GLYATL3: variants seen among roughly 807,000 people sequenced by gnomAD.
GLYATL3 encodes glycine-N-acyltransferase like 3.
Under a neutral mutation model 28.5 loss-of-function variants are expected in GLYATL3, and 31 were observed. That is an observed-to-expected ratio of 1.09 (90% CI 0.82 to 1.47). GLYATL3 has a LOEUF of 1.47. GLYATL3 is among the 40% of genes most tolerant of loss of function. The pLI is 0.00. For synonymous variants in GLYATL3, 141 were observed against 140.2 expected, an observed-to-expected ratio of 1.01 and a Z score of -0.04; for missense variants, 369 against 351.5, an observed-to-expected ratio of 1.05 and a Z score of -0.40.
intron 4 of GLYATL3, 120 bp from the exon 5 acceptor site, chr6:49,521,525 A>AATAGGTGTAGG (rs1355832238): frequency 1.0e-5 from 8 of 770,024 alleles, no homozygotes; most frequent in Non-Finnish European, 1.7e-5. Flanking sequence ...TGGTTAGGAT[A>AATAGGTGTAGG]ATACAAGGTG....
chr6:49,504,637 TGTAATTTTAAG>T (rs1221097093), intron 1 of GLYATL3, among the ~76,000 whole-genome samples: 2 of 152,166 alleles, frequency 1.3e-5, no homozygotes, highest in Non-Finnish European at 2.9e-5. Flanking sequence ...TTTAAGTAAT[TGTAATTTTAAG>T]GTTCTGTTAC....
At chr6:49,517,883 C>T (rs1381229355) in intron 4 of GLYATL3, among the ~76,000 whole-genome samples, 5 of 152,068 alleles carry the variant, frequency 3.3e-5, no homozygotes, top group African/African-American at 4.8e-5. Context: ...AATATTTTTC[C>T]TTATTGGTTT....
rs771571823 is a variant in GLYATL3 at position 49,526,647 on chromosome 6, G to A, written c.600G>A (p.Pro200=). 9 of 1,551,794 alleles carry A rather than the reference G, an allele frequency of 5.8e-6. No homozygotes were observed. The highest frequency in any genetic ancestry group is 1.7e-4 in the Middle Eastern group (1 of 5,994). The change falls in exon 6 of 6, where the codon CCG becomes CCA. Residue 200 remains proline (P), a synonymous_variant. Coordinates refer to ENST00000371197, the MANE Select transcript of GLYATL3 (RefSeq NM_001010904.2). ...GTGTCCGGGATGAGAAGGGAAACCCGGTCTCCTGGTCCATCACAGACCAGT... is the reference window on the plus strand; with the variant it reads ...GTGTCCGGGATGAGAAGGGAAACCCAGTCTCCTGGTCCATCACAGACCAGT... ...SVCVRDEKGN[P]VSWSITDQFA... is the part of the protein sequence containing the mutation.
chr6:49,525,988 A>T (rs1769404102), intron 5 of GLYATL3, among the ~76,000 whole-genome samples: 1 of 152,220 alleles, frequency 6.6e-6, no homozygotes, highest in African/African-American at 2.4e-5. Context: ...CTTAAATTTG[A>T]TGTAATAAGT....
In GLYATL3 at chr6:49,515,756, G is replaced by A; in HGVS notation, c.182G>A (p.Arg61Lys). 6.6e-7 allele frequency: 1 copy of A among 1,526,430 alleles called. No homozygotes were observed. The highest frequency in any genetic ancestry group is 2.5e-5 in the East Asian group (1 of 40,806). 94.6% of individuals were successfully genotyped at this position (1,526,430 alleles called of 1,614,324 possible). ...DFKAVITRRQ[R>K]EAETDNLDHY... The stretch of plus-strand genomic sequence containing the variant: ...AAAGCTGTTATCACCCGACGACAAA[G>A]AGAGGTACAGTTTTGAAAGGTAAAA... The change falls in exon 3 of 6, where the codon AGA becomes AAA. Residue 61 changes from arginine to lysine, a missense_variant. Coordinates refer to ENST00000371197, the MANE Select transcript of GLYATL3 (RefSeq NM_001010904.2).
intron 1 of GLYATL3, among the ~76,000 whole-genome samples, chr6:49,511,751 C>T (rs1358173129): frequency 6.6e-6 from 1 of 152,190 alleles, no homozygotes; most frequent in Non-Finnish European, 1.5e-5. Context: ...AGGATAGATA[C>T]TCACATCTGT....
intron 1 of GLYATL3, among the ~76,000 whole-genome samples, chr6:49,504,502 C>A (rs1477435442): frequency 6.6e-6 from 1 of 151,960 alleles, no homozygotes; most frequent in African/African-American, 2.4e-5. Context: ...GGGACAGTTA[C>A]CAGAGAAATG....
intron 5 of GLYATL3, among the ~76,000 whole-genome samples, chr6:49,524,051 C>T (rs1289965676): frequency 2.0e-5 from 3 of 151,280 alleles, no homozygotes; most frequent in African/African-American, 7.3e-5. Flanking sequence ...AAACAATTTG[C>T]CTTTAACACC....
Position 49,513,752 on chromosome 6 carries a change from G to A in GLYATL3, c.78+1684G>A, listed in dbSNP as rs183844790. 4.9e-3 allele frequency among the ~76,000 whole-genome samples: 751 copies of A among 152,240 alleles called. 8 individuals carry two copies. Among genetic ancestry groups the A allele is most frequent in the African/African-American group, 0.017 (704 of 41,556 alleles). On this transcript the variant is annotated intron_variant, in intron 2 of 5. Transcript: ENST00000371197. ...AGGATATGTGAATGAGGTCCAGATTGGGTAATATAGAAGAAAGTTGTACAA... is the reference window on the plus strand; with the variant it reads ...AGGATATGTGAATGAGGTCCAGATTAGGTAATATAGAAGAAAGTTGTACAA...
At chr6:49,510,851 C>G (rs1410578089) in intron 1 of GLYATL3, among the ~76,000 whole-genome samples, 1 of 152,182 alleles carries the variant, frequency 6.6e-6, no homozygotes, top group Non-Finnish European at 1.5e-5. Context: ...GAACTAGAGC[C>G]CACAGGGCTT....
At chr6:49,512,266 CTTTTTTTTTTTTTCTTTCTTTTT>C (rs1229385103) in intron 2 of GLYATL3, among the ~76,000 whole-genome samples, 198 bp downstream of exon 2, 1 of 129,366 alleles carries the variant, frequency 7.7e-6, no homozygotes, top group Non-Finnish European at 1.7e-5. Flanking sequence ...TTACACTTTT[CTTTTTTTTTTTTTCTTTCTTTTT>C]TTTTTTTTTT....
intron 3 of GLYATL3, 58 bp downstream of exon 3, chr6:49,515,818 G>C: frequency 1.0e-6 from 1 of 954,722 alleles, no homozygotes; most frequent in South Asian, 1.4e-5. Context: ...GAAAAAGTAG[G>C]TAATGGTATT....
At chr6:49,524,968 CA>C (rs911424000) in intron 5 of GLYATL3, among the ~76,000 whole-genome samples, 2,758 of 43,730 alleles carry the variant, frequency 0.063, 26 homozygotes, top group African/African-American at 0.15. Flanking sequence ...GACTCCCTCT[CA>C]AAAAAAAAAA....
chr6:49,524,396 C>A (rs889765307), intron 5 of GLYATL3, among the ~76,000 whole-genome samples: 6 of 152,120 alleles, frequency 3.9e-5, no homozygotes, highest in Admixed American at 2.0e-4. Flanking sequence ...TTATCTCTTA[C>A]CGGTCACTGG....
rs141499791 is a variant in GLYATL3 at position 49,526,591 on chromosome 6, G to T, written c.544G>T (p.Ala182Ser). ...GGNEQCLRYIANLISCFPSVC... is the reference protein window; with the variant it reads ...GGNEQCLRYISNLISCFPSVC... ...CAATGAACAATGTCTCCGGTACATC[G>T]CCAACCTCATCTCCTGCTTCCCTAG... Residue 182 changes from alanine (A) to serine (S), a missense_variant, in exon 6 of 6, where the codon GCC becomes TCC. By Grantham distance (99) the Ala-to-Ser change is moderately conservative. Transcript: ENST00000371197. 306 of 1,551,860 alleles carry T rather than the reference G, an allele frequency of 2.0e-4. 3 individuals are homozygous for T. The East Asian group carries it at 7.4e-3, about 38-fold the overall frequency.
Position 49,526,646 on chromosome 6 carries a change from C to A in GLYATL3, c.599C>A (p.Pro200Gln), listed in dbSNP as rs1389168434. 12 of 1,551,888 alleles carry A rather than the reference C, an allele frequency of 7.7e-6. No individual in the cohort carries two copies. The South Asian group carries it at 1.4e-4, about 18-fold the overall frequency. Residue 200 changes from proline (P) to glutamine (Q), a missense_variant, in exon 6 of 6, where the codon CCG becomes CAG. Pro to Gln is a moderately conservative substitution (Grantham distance 76). Transcript: ENST00000371197. ...TGTGTCCGGGATGAGAAGGGAAACCCGGTCTCCTGGTCCATCACAGACCAG... is the reference window on the plus strand; with the variant it reads ...TGTGTCCGGGATGAGAAGGGAAACCAGGTCTCCTGGTCCATCACAGACCAG... ...SVCVRDEKGNPVSWSITDQFA... is the reference protein window; with the variant it reads ...SVCVRDEKGNQVSWSITDQFA...
chr6:49,509,256 A>C (rs1334900655), intron 1 of GLYATL3, among the ~76,000 whole-genome samples: 1 of 152,170 alleles, frequency 6.6e-6, no homozygotes, highest in African/African-American at 2.4e-5. Flanking sequence ...ATACTGAAAC[A>C]TTGTTCCAAG....
rs1171839766 is a variant in GLYATL3, at chr6:49,527,210, G to A, written c.*296G>A. Among the ~76,000 whole-genome samples the A allele has an allele frequency of 6.6e-6, 1 of 152,160 alleles. No individual in the cohort carries two copies. The highest frequency in any genetic ancestry group is 2.4e-5 in the African/African-American group (1 of 41,448). ...AGCCAGCAGTTTTAGTGTACTAGGAGAAATTACTGCATGAGAACAAATGAT... is the reference window on the plus strand; with the variant it reads ...AGCCAGCAGTTTTAGTGTACTAGGAAAAATTACTGCATGAGAACAAATGAT... On this transcript the variant is annotated 3_prime_UTR_variant, in exon 6 of 6. Transcript: ENST00000371197.
chr6:49,522,623 C>T (rs901684426), intron 5 of GLYATL3, among the ~76,000 whole-genome samples: 16 of 152,098 alleles, frequency 1.1e-4, no homozygotes, highest in Non-Finnish European at 2.1e-4. Flanking sequence ...TTTCCTGACA[C>T]GTTGTTTTGC....
Sources: gnomAD v4.1 joint callset for allele counts (sites outside exome capture counted in the v4.1 genomes callset) on GRCh38, gnomAD v4.1.1 for gene constraint, MANE v1.5 for transcripts, NCBI Gene and HGNC (gene_info 2026-07-23, HGNC 2026-07-21) for gene names.